Variants in PPIP5K2 observed in about 807,000 individuals in gnomAD.
PPIP5K2 encodes diphosphoinositol pentakisphosphate kinase 2.
Under a neutral mutation model 154.6 loss-of-function variants are expected in PPIP5K2, and 105 were observed. That is an observed-to-expected ratio of 0.68 (90% CI 0.58 to 0.80). The LOEUF (loss-of-function observed/expected upper bound fraction) is 0.80. PPIP5K2 is among the 30% of genes least tolerant of loss of function. The pLI is 0.00. For missense variants in PPIP5K2, 992 were observed against 1,504.6 expected (o/e 0.66, Z 5.64); for synonymous variants, 480 against 490.3 (o/e 0.98, Z 0.28).
chr5:103,183,527 A>C, intron 25 of PPIP5K2, 120 bp downstream of exon 25: 1 of 856,368 alleles, frequency 1.2e-6, no homozygotes, highest in Non-Finnish European at 1.8e-6. Flanking sequence ...CTGTTTTTTA[A>C]TTTTGAGTTC....
At chr5:103,136,198 C>T (rs1422331635) in intron 3 of PPIP5K2, 1 of 152,618 alleles carries the variant, frequency 6.6e-6, no homozygotes, top group African/African-American at 2.4e-5. Context: ...GTCTCGAACT[C>T]CTGACCTCAG....
chr5:103,153,441 A>G lies in PPIP5K2; in HGVS notation c.1131-407A>G, dbSNP rs143967243. ...TACTTGTTCTCCTTACATGGGCAAA[A>G]CTTAGCAAATATATAAATATAGCAA... On this transcript the variant is annotated intron_variant, in intron 10 of 30. Coordinates refer to ENST00000358359, the MANE Select transcript of PPIP5K2 (RefSeq NM_001276277.3). Among the ~76,000 whole-genome samples, 108 of 151,918 alleles carry G rather than the reference A, an allele frequency of 7.1e-4. 1 individual carries two copies. The Middle Eastern group carries it at 0.01, about 14-fold the overall frequency.
At chr5:103,159,070 A>T (rs1459705286) in intron 16 of PPIP5K2, 76 bp from the exon 17 acceptor site, 2 of 1,018,212 alleles carry the variant, frequency 2.0e-6, no homozygotes, top group African/African-American at 3.4e-5. Context: ...ATACTTTATG[A>T]AAATCAGTAT....
chr5:103,181,017 TAAG>T (rs1195340605), intron 24 of PPIP5K2, among the ~76,000 whole-genome samples: 6 of 152,102 alleles, frequency 3.9e-5, no homozygotes, highest in Non-Finnish European at 7.4e-5. Context: ...ACCTTTATAT[TAAG>T]ATCTATAAAT....
intron 17 of PPIP5K2, among the ~76,000 whole-genome samples, chr5:103,160,143 A>G (rs1344588776): frequency 1.3e-5 from 2 of 152,156 alleles, no homozygotes; most frequent in Non-Finnish European, 2.9e-5. Context: ...TCTTGTATAT[A>G]TACTACACTT....
rs1803286769 is a variant in PPIP5K2 at position 103,203,439 on chromosome 5, G to A, written c.*1805G>A. The A allele has an allele frequency of 6.6e-6, 1 of 152,158 alleles. No individual in the cohort carries two copies. The highest frequency in any genetic ancestry group is 1.5e-5 in the Non-Finnish European group (1 of 68,022). 9.4% of individuals were successfully genotyped at this position (152,158 alleles called of 1,614,324 possible). ...TTTCCTGTAGTCACCAAACTCAGTA[G>A]TATTGCTCTGTAGACTAGACACTCT... is the stretch of plus-strand genomic sequence containing the variant. On this transcript the variant is annotated 3_prime_UTR_variant, in exon 31 of 31. Coordinates refer to ENST00000358359, the MANE Select transcript of PPIP5K2 (RefSeq NM_001276277.3).
chr5:103,181,668 G>A (rs1359380170), intron 24 of PPIP5K2, among the ~76,000 whole-genome samples: 1 of 152,028 alleles, frequency 6.6e-6, no homozygotes, highest in Admixed American at 6.6e-5. Flanking sequence ...TCAACTTTTA[G>A]AATAAAGCAT....
intron 23 of PPIP5K2, among the ~76,000 whole-genome samples, chr5:103,179,278 T>C (rs1297485362): frequency 1.3e-5 from 2 of 152,082 alleles, no homozygotes; most frequent in Admixed American, 1.3e-4. Context: ...GCCAATATTA[T>C]GTTTATGAGG....
rs782444502 is a variant in PPIP5K2, at chr5:103,120,447, A to T, written c.-326A>T. ...GGTAACCTAGACCTGAATGGGCTTG[A>T]CCATCTCACAACTGCTCGCGTGACG... is the stretch of plus-strand genomic sequence containing the variant. On this transcript the variant is annotated 5_prime_UTR_variant, in exon 1 of 31. Transcript: ENST00000358359. The T allele has an allele frequency of 4.4e-6, 2 of 456,746 alleles. No individual in the cohort carries two copies. Among genetic ancestry groups the T allele is most frequent in the South Asian group, 3.1e-5 (2 of 64,572 alleles). The allele number at this position is 456,746 out of a possible 1,614,324, so 28.3% of individuals were successfully genotyped here.
chr5:103,143,877 A>C (rs1187167092), intron 5 of PPIP5K2, among the ~76,000 whole-genome samples: 1 of 152,226 alleles, frequency 6.6e-6, no homozygotes, highest in African/African-American at 2.4e-5. Context: ...AATTGGAACA[A>C]GACAAGGATG....
At chr5:103,130,588 A>T (rs1790451808) in intron 2 of PPIP5K2, among the ~76,000 whole-genome samples, 1 of 152,196 alleles carries the variant, frequency 6.6e-6, no homozygotes, top group Non-Finnish European at 1.5e-5. Flanking sequence ...TGCAAACTCT[A>T]CTGTTAACTC....
At chr5:103,138,899 C>G (rs1554205397) in intron 5 of PPIP5K2, among the ~76,000 whole-genome samples, 1 of 152,178 alleles carries the variant, frequency 6.6e-6, no homozygotes, top group Non-Finnish European at 1.5e-5. Context: ...CTGTGCTGGT[C>G]TGCTTATTCA....
At chr5:103,132,053 T>C (rs1043307426) in intron 2 of PPIP5K2, among the ~76,000 whole-genome samples, 1 of 152,168 alleles carries the variant, frequency 6.6e-6, no homozygotes, top group Non-Finnish European at 1.5e-5. Flanking sequence ...TAATGAACTG[T>C]ACCAAAACTT....
chr5:103,172,270 C>T (rs1389367718), intron 19 of PPIP5K2, among the ~76,000 whole-genome samples: 2 of 151,404 alleles, frequency 1.3e-5, no homozygotes, highest in Non-Finnish European at 3.0e-5. Flanking sequence ...GGTAAATGAC[C>T]ACAGGAAGTC....
rs1483338229 is a variant in PPIP5K2, at chr5:103,123,656, CT to C, written c.-285+3169del. Among the ~76,000 whole-genome samples, 4 of 152,324 alleles carry C rather than the reference CT, an allele frequency of 2.6e-5. No individual in the cohort carries two copies. In the East Asian group the frequency reaches 7.7e-4, roughly 29 times the overall value. ...ATACAGTTTTTCTAGTTAAGAATTA[CT>C]GTTTAGGAATTCCTAATCTGTGATA... On this transcript the variant is annotated intron_variant, in intron 1 of 30. Transcript: ENST00000358359.
At chr5:103,144,977 C>T (rs1191721874) in intron 5 of PPIP5K2, among the ~76,000 whole-genome samples, 1 of 151,676 alleles carries the variant, frequency 6.6e-6, no homozygotes, top group Non-Finnish European at 1.5e-5. Flanking sequence ...AGACAGTCCA[C>T]GGAATGGGAG....
chr5:103,177,892 T>C lies in PPIP5K2; in HGVS notation c.2666T>C (p.Val889Ala). ...CTTTCCTCAGAAGAACGCTTTCATG[T>C]TGAATTACACTTTAGTCCGGGAGCC... ...KDLSSEERFH[V>A]ELHFSPGAKG... Residue 889 changes from valine to alanine, a missense_variant, in exon 23 of 31, where the codon GTT (valine) becomes GCT (alanine). Coordinates refer to ENST00000358359, the MANE Select transcript of PPIP5K2 (RefSeq NM_001276277.3). 1.2e-6 allele frequency: 2 copies of C among 1,613,202 alleles called. No homozygotes were observed. The highest frequency in any genetic ancestry group is 2.7e-5 in the African/African-American group (2 of 74,998).
chr5:103,204,741 A>T lies in PPIP5K2; in HGVS notation c.*3107A>T, dbSNP rs1554231736. 1 of 152,148 alleles carries T rather than the reference A, an allele frequency of 6.6e-6. No individual in the cohort carries two copies. Among genetic ancestry groups the T allele is most frequent in the African/African-American group, 2.4e-5 (1 of 41,432 alleles). The allele number at this position is 152,148 out of a possible 1,614,324, so 9.4% of individuals were successfully genotyped here. ...TGTAAAGTGTTGTTTATATAGGTCA[A>T]TTTTTGTGGAAGATCTAATTTCTAT... On this transcript the variant is annotated 3_prime_UTR_variant, in exon 31 of 31. Coordinates refer to ENST00000358359, the MANE Select transcript of PPIP5K2 (RefSeq NM_001276277.3).
rs27896 is a variant in PPIP5K2 at position 103,152,867 on chromosome 5, T to C, written c.1130+118T>C. The C allele has an allele frequency of 0.27, 167,047 of 619,890 alleles. 25,052 individuals are homozygous for C. Among genetic ancestry groups the C allele is most frequent in the East Asian group, 0.45 (15,047 of 33,330 alleles). 38.4% of individuals were successfully genotyped at this position (619,890 alleles called of 1,614,324 possible). On this transcript the variant is annotated intron_variant, in intron 10 of 30. Coordinates refer to ENST00000358359, the MANE Select transcript of PPIP5K2 (RefSeq NM_001276277.3). ...CTTTAGTGTGTATGATTTCATATGA[T>C]TCAGCTTGAAGATAGAGGAGTAGAT...
Sources: allele counts gnomAD v4.1 joint callset (sites outside exome capture counted in the v4.1 genomes callset), GRCh38; gene constraint gnomAD v4.1.1; transcripts MANE v1.5; gene names NCBI Gene and HGNC (gene_info 2026-07-23, HGNC 2026-07-21).